VRK2: variants seen among roughly 807,000 people sequenced by gnomAD.
The protein encoded by VRK2 is VRK serine/threonine kinase 2.
A neutral mutation model predicts 57.6 loss-of-function variants in VRK2; 60 were observed. That is an observed-to-expected ratio of 1.04 (90% confidence interval 0.85 to 1.29). VRK2 has a LOEUF of 1.29. Among genes scored for constraint, VRK2 ranks in the 50% most tolerant of loss-of-function variants. The pLI is 0.00. For missense variants in VRK2, 705 were observed against 588.1 expected, an observed-to-expected ratio of 1.20 and a Z score of -2.06; for synonymous variants, 231 against 199.2, an observed-to-expected ratio of 1.16 and a Z score of -1.35.
intron 1 of VRK2, among the ~76,000 whole-genome samples, chr2:57,931,891 T>C (rs1670739822): frequency 6.6e-6 from 1 of 152,032 alleles, no homozygotes; most frequent in Non-Finnish European, 1.5e-5. Flanking sequence ...TTACTTATTG[T>C]GTATTTTTGG....
chr2:58,014,440 AAC>A (rs1673513891), intron 1 of VRK2, among the ~76,000 whole-genome samples: 1 of 152,224 alleles, frequency 6.6e-6, no homozygotes, highest in African/African-American at 2.4e-5. Flanking sequence ...AGTTTCGTAA[AAC>A]CAGTGATCAA....
rs1400252376 is a variant in VRK2 at position 58,159,330 on chromosome 2, A to ATATG, written c.1183-15_1183-12dup. 1 of 1,562,718 alleles carries ATATG rather than the reference A, an allele frequency of 6.4e-7. No homozygotes were observed. On this transcript the variant is annotated intron_variant, in intron 12 of 12. Coordinates refer to ENST00000340157, the MANE Select transcript of VRK2 (RefSeq NM_006296.7). ...ACTCACGTCTAACAAACTAAACTAT[A>ATATG]TATGTATTTTTTCCATAGGAAAGCA... is the stretch of plus-strand genomic sequence containing the variant.
chr2:57,941,491 G>A (rs1558504677), intron 1 of VRK2, among the ~76,000 whole-genome samples: 3 of 152,146 alleles, frequency 2.0e-5, no homozygotes, highest in Non-Finnish European at 4.4e-5. Context: ...TAAATCTGAT[G>A]TTTGTATATA....
intron 1 of VRK2, among the ~76,000 whole-genome samples, chr2:57,933,860 A>G (rs1176087203): frequency 6.6e-6 from 1 of 151,966 alleles, no homozygotes; most frequent in Non-Finnish European, 1.5e-5. Context: ...TCTTTAGTGC[A>G]ATCCTTGGAT....
chr2:58,084,975 T>C, intron 4 of VRK2, 25 bp downstream of exon 4: 1 of 1,554,946 alleles, frequency 6.4e-7, no homozygotes, highest in Non-Finnish European at 8.7e-7. Context: ...CAAAGCAAGC[T>C]ACTTCCATAT....
intron 1 of VRK2, among the ~76,000 whole-genome samples, chr2:58,003,947 A>T (rs1673165764): frequency 6.6e-6 from 1 of 152,150 alleles, no homozygotes; most frequent in Non-Finnish European, 1.5e-5. Context: ...AGTGTAATTT[A>T]TACTTGCACT....
At chr2:57,921,656 C>A (rs1300890193) in intron 1 of VRK2, among the ~76,000 whole-genome samples, 2 of 152,018 alleles carry the variant, frequency 1.3e-5, no homozygotes, top group Non-Finnish European at 2.9e-5. Flanking sequence ...GAAATGATTG[C>A]AATTTGAAGC....
intron 1 of VRK2, among the ~76,000 whole-genome samples, chr2:57,986,384 A>T (rs1021359285): frequency 4.6e-5 from 7 of 152,160 alleles, no homozygotes; most frequent in Non-Finnish European, 1.5e-5. Flanking sequence ...TTCCAATCAA[A>T]ATTCCAGCAA....
intron 2 of VRK2, among the ~76,000 whole-genome samples, chr2:58,027,397 C>G (rs929296813): frequency 1.3e-5 from 2 of 152,130 alleles, no homozygotes; most frequent in African/African-American, 4.8e-5. Flanking sequence ...AGTAGAAAAA[C>G]AGCCCTGATT....
intron 12 of VRK2, among the ~76,000 whole-genome samples, chr2:58,148,418 T>A (rs1244649380): frequency 5.3e-5 from 8 of 151,882 alleles, no homozygotes; most frequent in Non-Finnish European, 1.2e-4. Context: ...GATATCTGTA[T>A]TATGGATATC....
At chr2:57,946,183 C>G (rs919471688) in intron 1 of VRK2, among the ~76,000 whole-genome samples, 3 of 151,958 alleles carry the variant, frequency 2.0e-5, no homozygotes, top group Non-Finnish European at 4.4e-5. Context: ...ATATGTATCA[C>G]TACAAAATCT....
At chr2:58,148,489 CT>C (rs1411753555) in intron 12 of VRK2, among the ~76,000 whole-genome samples, 2 of 151,668 alleles carry the variant, frequency 1.3e-5, no homozygotes, top group African/African-American at 4.8e-5. Context: ...TGTGCAGAAG[CT>C]TTTTATATTA....
rs546951813 is a variant in VRK2, at chr2:57,973,675, T to C, written c.-438-51990T>C. ...AAATTTTAGGATTTTGTGGAAGATATGATGAAACTATGATTAAAATTGCAA... is the reference window on the plus strand; with the variant it reads ...AAATTTTAGGATTTTGTGGAAGATACGATGAAACTATGATTAAAATTGCAA... On this transcript the variant is annotated intron_variant, in intron 1 of 15. Coordinates refer to the VRK2 transcript ENST00000417641. Among the ~76,000 whole-genome samples, 38 of 151,924 alleles carry C rather than the reference T, an allele frequency of 2.5e-4. No homozygotes were observed. In the East Asian group the frequency reaches 5.6e-3, roughly 22 times the overall value.
At chr2:58,013,931 T>G (rs1405418294) in intron 1 of VRK2, among the ~76,000 whole-genome samples, 1 of 151,834 alleles carries the variant, frequency 6.6e-6, no homozygotes, top group Non-Finnish European at 1.5e-5. Context: ...TCATAATAAT[T>G]TCATATTGGA....
At chr2:58,023,414 T>C (rs1673824359) in intron 1 of VRK2, among the ~76,000 whole-genome samples, 1 of 152,226 alleles carries the variant, frequency 6.6e-6, no homozygotes, top group Non-Finnish European at 1.5e-5. Flanking sequence ...TGTTTCTCCA[T>C]TCAATTGTCA....
At chr2:58,086,895 G>GT (rs1482544105) in intron 5 of VRK2, among the ~76,000 whole-genome samples, 2 of 152,068 alleles carry the variant, frequency 1.3e-5, no homozygotes, top group African/African-American at 2.4e-5. Context: ...GGAAGTCATC[G>GT]TTTTTTGTAA....
At chr2:58,107,081 G>T (rs1674862408) in intron 7 of VRK2, among the ~76,000 whole-genome samples, 1 of 151,246 alleles carries the variant, frequency 6.6e-6, no homozygotes, top group Admixed American at 6.6e-5. Context: ...ACATAAACAT[G>T]TTGCTGCTTC....
chr2:57,909,470 G>A (rs929916447), intron 1 of VRK2, among the ~76,000 whole-genome samples: 49 of 128,148 alleles, frequency 3.8e-4, no homozygotes, highest in African/African-American at 1.2e-3. Flanking sequence ...GTATGTGTGT[G>A]TGTGTGTTTT....
At chr2:58,019,736 C>A (rs998665451) in intron 1 of VRK2, among the ~76,000 whole-genome samples, 2 of 152,178 alleles carry the variant, frequency 1.3e-5, no homozygotes, top group African/African-American at 4.8e-5. Flanking sequence ...ACTTCTCAGA[C>A]AGTACTAGTT....
Sources: gnomAD v4.1 joint callset for allele counts (sites outside exome capture counted in the v4.1 genomes callset) on GRCh38, gnomAD v4.1.1 for gene constraint, MANE v1.5 for transcripts, NCBI Gene and HGNC (gene_info 2026-07-23, HGNC 2026-07-21) for gene names.